DACH2: variants seen among roughly 807,000 people sequenced by gnomAD.
DACH2 encodes the protein dachshund homolog 2.
Under a neutral mutation model 35.8 loss-of-function variants are expected in DACH2, and 17 were observed. The ratio of observed to expected loss-of-function variants is 0.48; its 90% confidence interval spans 0.33 to 0.71. The LOEUF (loss-of-function observed/expected upper bound fraction) is 0.71. Among genes scored for constraint, DACH2 ranks in the 30% least tolerant of loss-of-function variants. The pLI, the probability that DACH2 is intolerant of heterozygous loss-of-function variation, is 0.02. For synonymous variants in DACH2, 195 were observed against 177.3 expected (o/e 1.10, Z -0.79); for missense variants, 469 against 472.7 (o/e 0.99, Z 0.07).
intron 1 of DACH2, among the ~76,000 whole-genome samples, chrX:86,223,689 T>C (rs1364003856): frequency 8.9e-6 from 1 of 112,141 alleles, no homozygotes; most frequent in Non-Finnish European, 1.9e-5. Context: ...CATTAGCTCA[T>C]AGATCATCCT....
chrX:86,830,418 A>C (rs1260912875), intron 11 of DACH2: 3 of 111,801 alleles, frequency 2.7e-5, no homozygotes, highest in Non-Finnish European at 5.7e-5. Flanking sequence ...TCTGGTAGAA[A>C]AGTTGATTCA....
intron 6 of DACH2, among the ~76,000 whole-genome samples, chrX:86,715,682 T>A (rs2041328388): frequency 1.8e-5 from 2 of 111,617 alleles, no homozygotes. Context: ...CAAACATAAA[T>A]GTGAGACAAA....
At chrX:86,631,827 C>T (rs2040204260) in intron 3 of DACH2, among the ~76,000 whole-genome samples, 1 of 111,381 alleles carries the variant, frequency 9.0e-6, no homozygotes, top group African/African-American at 3.3e-5. Flanking sequence ...GTATTGCAAG[C>T]CATCATTTTT....
intron 11 of DACH2, chrX:86,828,863 A>G (rs1425878667): frequency 1.8e-5 from 2 of 111,767 alleles, no homozygotes; most frequent in African/African-American, 6.5e-5. Flanking sequence ...GATCAAAAAG[A>G]TTTAATGCTC....
At chrX:86,638,594 A>T (rs1602727626) in intron 3 of DACH2, among the ~76,000 whole-genome samples, 3 of 112,014 alleles carry the variant, frequency 2.7e-5, no homozygotes, top group African/African-American at 9.7e-5. Context: ...ACAAGCAGGT[A>T]AAGGACATGA....
chrX:86,703,611 A>G (rs1229624125), intron 5 of DACH2, among the ~76,000 whole-genome samples: 2 of 111,929 alleles, frequency 1.8e-5, no homozygotes, highest in East Asian at 5.6e-4. Context: ...AAATTGTAGC[A>G]TTTCTATACA....
chrX:86,777,566 A>C (rs1004965295), intron 7 of DACH2, among the ~76,000 whole-genome samples: 3 of 111,583 alleles, frequency 2.7e-5, no homozygotes, highest in Non-Finnish European at 5.6e-5. Flanking sequence ...TGTTTTGTTG[A>C]GAATACAAAT....
intron 3 of DACH2, among the ~76,000 whole-genome samples, chrX:86,586,622 A>G (rs1420636259): frequency 2.7e-5 from 3 of 111,719 alleles, no homozygotes; most frequent in Non-Finnish European, 5.7e-5. Context: ...GAAGAGGTCC[A>G]GTTTCAATCT....
At chrX:86,287,371 T>A (rs1386769601) in intron 1 of DACH2, among the ~76,000 whole-genome samples, 5 of 111,418 alleles carry the variant, frequency 4.5e-5, no homozygotes, top group Non-Finnish European at 9.4e-5. Context: ...TAGTCTTCTT[T>A]GGGATAAATC....
chrX:86,289,582 C>G, intron 1 of DACH2, among the ~76,000 whole-genome samples: 1 of 73,437 alleles, frequency 1.4e-5, no homozygotes, highest in East Asian at 5.9e-4. Context: ...TCCCCCCACC[C>G]CACAACAGTC....
chrX:86,768,464 A>G lies in DACH2; in HGVS notation c.1240+28582A>G, dbSNP rs187610762. On this transcript the variant is annotated intron_variant, in intron 7 of 11. Coordinates refer to ENST00000373125, the MANE Select transcript of DACH2 (RefSeq NM_053281.3). ...TATTTCTAAGTTACAGATCATATGC[A>G]GATTCAAACCAAAGTTAACTATGAA... Among the ~76,000 whole-genome samples the G allele has an allele frequency of 5.1e-3, 568 of 110,950 alleles. 1 individual carries two copies. The highest frequency in any genetic ancestry group is 0.018 in the African/African-American group (548 of 30,575).
chrX:86,265,000 A>C (rs2033687119), intron 1 of DACH2, among the ~76,000 whole-genome samples: 1 of 111,455 alleles, frequency 9.0e-6, no homozygotes, highest in Non-Finnish European at 1.9e-5. Flanking sequence ...CTCCAGTCCT[A>C]AAGATGCATG....
chrX:86,301,616 G>A (rs949497100), intron 1 of DACH2, among the ~76,000 whole-genome samples: 2 of 111,526 alleles, frequency 1.8e-5, no homozygotes, highest in Non-Finnish European at 3.8e-5. Context: ...AGAGATGTTT[G>A]GAGGTTAACT....
chrX:86,679,616 C>CTCTGTGTGTG (rs1391639741), intron 4 of DACH2, among the ~76,000 whole-genome samples: 58 of 96,284 alleles, frequency 6.0e-4, no homozygotes, highest in African/African-American at 2.1e-3. Flanking sequence ...CTCTCTGTCT[C>CTCTGTGTGTG]TGTGTGTGTG....
chrX:86,814,725 C>T lies in DACH2; in HGVS notation c.1575C>T (p.Thr525=), dbSNP rs776273955. ...AGCGCCTGAAGAAGGAGAAAAAAAC[C>T]AAGAGAAAATTGCAGGAAGCCTTGG... ...MQKRLKKEKK[T]KRKLQEALEF... is the part of the protein sequence containing the mutation. Residue 525 remains threonine (T), a synonymous_variant, in exon 10 of 12, where the codon ACC becomes ACT. Coordinates refer to ENST00000373125, the MANE Select transcript of DACH2 (RefSeq NM_053281.3). 1.7e-5 allele frequency: 20 copies of T among 1,209,044 alleles called. No individual in the cohort carries two copies. The highest frequency in any genetic ancestry group is 2.2e-5 in the Non-Finnish European group (20 of 894,794).
At chrX:86,762,653 A>T (rs1186970988) in intron 7 of DACH2, among the ~76,000 whole-genome samples, 1 of 111,523 alleles carries the variant, frequency 9.0e-6, no homozygotes, top group Non-Finnish European at 1.9e-5. Flanking sequence ...CCACTTTTTA[A>T]TTTTTTTAAT....
chrX:86,568,280 C>T (rs2039318375), intron 3 of DACH2, among the ~76,000 whole-genome samples: 1 of 111,144 alleles, frequency 9.0e-6, no homozygotes, highest in African/African-American at 3.3e-5. Context: ...CTAATGTAAA[C>T]TCAGGGTTTT....
Position 86,651,054 on chromosome X carries a change from T to C in DACH2, c.659T>C (p.Met220Thr). The C allele has an allele frequency of 8.3e-7, 1 of 1,207,121 alleles. No homozygotes were observed. Among genetic ancestry groups the C allele is most frequent in the Non-Finnish European group, 1.1e-6 (1 of 893,072 alleles). The stretch of plus-strand genomic sequence containing the variant: ...CTTTTAGGTATAACAGCTGCAGCGA[T>C]GGCTGAGGCGATGAAACTTCAGAAG... ...ITPTGITAAA[M>T]AEAMKLQKMK... Residue 220 changes from methionine (M) to threonine (T), a missense_variant, in exon 4 of 12, where the codon ATG (methionine) becomes ACG (threonine). Physicochemically the swap from Met to Thr is moderately conservative, Grantham distance 81. Coordinates refer to ENST00000373125, the MANE Select transcript of DACH2 (RefSeq NM_053281.3).
intron 1 of DACH2, chrX:86,345,491 T>G: frequency 3.7e-6 from 1 of 269,146 alleles, no homozygotes. Flanking sequence ...GAGAAAGTTA[T>G]GAGGAAGGAA....
Sources: gnomAD v4.1 joint callset for allele counts (sites outside exome capture counted in the v4.1 genomes callset) on GRCh38, gnomAD v4.1.1 for gene constraint, MANE v1.5 for transcripts, NCBI Gene and HGNC (gene_info 2026-07-23, HGNC 2026-07-21) for gene names.